DDX21: variants seen among roughly 807,000 people sequenced by gnomAD.
The protein encoded by DDX21 is nucleolar RNA helicase 2.
In DDX21, 18 loss-of-function variants were observed where a neutral mutation model predicts 90.0. That is an observed-to-expected ratio of 0.20 (90% CI 0.14 to 0.30). The LOEUF (loss-of-function observed/expected upper bound fraction) is 0.30, where lower values mean the gene tolerates loss of function less well. Ranked by LOEUF, DDX21 falls within the 10% of genes least tolerant of loss-of-function variation. The pLI is 1.00. For synonymous variants in DDX21, 294 were observed against 318.0 expected, an observed-to-expected ratio of 0.92 and a Z score of 0.80; for missense variants, 673 against 944.5, an observed-to-expected ratio of 0.71 and a Z score of 3.77.
At chr10:68,966,815 T>C (rs1842945045) in intron 5 of DDX21, among the ~76,000 whole-genome samples, 1 of 152,154 alleles carries the variant, frequency 6.6e-6, no homozygotes, top group Admixed American at 6.5e-5. Context: ...GCTTTAAATT[T>C]TGTTGATATT....
In DDX21 at chr10:68,963,438, T is replaced by C. The variant is rs1232779372; in HGVS notation, c.755T>C (p.Leu252Pro). The C allele has an allele frequency of 6.2e-7, 1 of 1,613,722 alleles. No homozygotes were observed. The highest frequency in any genetic ancestry group is 1.1e-5 in the South Asian group (1 of 91,026). ...TTGATTGAGAAACTTCATGGGGAAC[T>C]GCAAGACAGGAAGAGAGGCCGTGCC... Reference protein sequence around the residue: ...IPLIEKLHGELQDRKRGRAPQ... With the variant: ...IPLIEKLHGEPQDRKRGRAPQ... The change falls in exon 4 of 15, where the codon CTG becomes CCG. Residue 252 changes from leucine to proline, a missense_variant. By Grantham distance (98) the Leu-to-Pro change is moderately conservative (BLOSUM62 -3). This residue lies in a region of DDX21 where 218 missense variants were observed against 347.3 expected (regional missense o/e 0.63). Coordinates refer to ENST00000354185, the MANE Select transcript of DDX21 (RefSeq NM_004728.4).
chr10:68,983,698 TAAAAAAAAAA>T lies in DDX21; in HGVS notation c.*898_*907del, dbSNP rs3086423. The T allele has an allele frequency of 7.2e-5, 8 of 111,268 alleles. No homozygotes were observed. Among genetic ancestry groups the T allele is most frequent in the Non-Finnish European group, 1.3e-4 (7 of 54,620 alleles). 6.9% of individuals were successfully genotyped at this position (111,268 alleles called of 1,614,324 possible). A position where few individuals can be genotyped will look rare whatever the true frequency, so the allele number is the denominator to read the frequency against. The stretch of plus-strand genomic sequence containing the variant: ...CAGATTAGCATTGCTCAAGAGTATG[TAAAAAAAAAA>T]AAAAAAAAAAAGAACCAAACCACTG... On this transcript the variant is annotated 3_prime_UTR_variant, in exon 15 of 15. Coordinates refer to ENST00000354185, the MANE Select transcript of DDX21 (RefSeq NM_004728.4).
chr10:68,981,789 C>G (rs1002276936), intron 14 of DDX21, among the ~76,000 whole-genome samples: 2 of 152,004 alleles, frequency 1.3e-5, no homozygotes. Flanking sequence ...TTCCTTTATA[C>G]AAAGTTGTGA....
At chr10:68,963,508 G>T (rs778717132) in intron 4 of DDX21, 39 bp downstream of exon 4, 2 of 1,558,514 alleles carry the variant, frequency 1.3e-6, no homozygotes, top group East Asian at 4.5e-5. Flanking sequence ...GTCAGCATAG[G>T]AAAAACCACC....
chr10:68,958,788 T>G (rs563116131), intron 1 of DDX21, among the ~76,000 whole-genome samples: 1 of 152,234 alleles, frequency 6.6e-6, no homozygotes, highest in South Asian at 2.1e-4. Flanking sequence ...TTGTCCATGC[T>G]TGCCTGGAAC....
Position 68,984,914 on chromosome 10 carries a change from A to G in DDX21, c.*2102A>G, listed in dbSNP as rs1772583281. 6.6e-6 allele frequency: 1 copy of G among 152,068 alleles called. No homozygotes were observed. Among genetic ancestry groups the G allele is most frequent in the South Asian group, 2.1e-4 (1 of 4,832 alleles). The allele number at this position is 152,068 out of a possible 1,614,324, so 9.4% of individuals were successfully genotyped here. On this transcript the variant is annotated 3_prime_UTR_variant, in exon 15 of 15. Coordinates refer to ENST00000354185, the MANE Select transcript of DDX21 (RefSeq NM_004728.4). ...TTGGGTTAGCTTGGTAAATGTTATA[A>G]TTTTTACTATTTTCTACAAAGAAAA...
intron 1 of DDX21, 115 bp downstream of exon 1, chr10:68,956,427 A>C: frequency 6.6e-7 from 1 of 1,525,692 alleles, no homozygotes; most frequent in Non-Finnish European, 8.8e-7. Flanking sequence ...CAGCGCGTCC[A>C]GACACCGGGC....
intron 3 of DDX21, among the ~76,000 whole-genome samples, chr10:68,962,950 A>G (rs1842891549): frequency 6.6e-6 from 1 of 152,172 alleles, no homozygotes; most frequent in Non-Finnish European, 1.5e-5. Context: ...TTTTCAGTCA[A>G]GCAGATTCTT....
At chr10:68,962,260 C>A in intron 3 of DDX21, 103 bp downstream of exon 3, 2 of 806,086 alleles carry the variant, frequency 2.5e-6, no homozygotes, top group Non-Finnish European at 4.0e-6. Flanking sequence ...TTATTGTAGG[C>A]TGATATATGC....
intron 6 of DDX21, among the ~76,000 whole-genome samples, chr10:68,968,433 A>C (rs1346484755): frequency 6.6e-6 from 1 of 152,222 alleles, no homozygotes; most frequent in East Asian, 1.9e-4. Flanking sequence ...AATTACAGGC[A>C]TGAGCCACTG....
chr10:68,956,693 C>T, intron 1 of DDX21: 1 of 1,056,808 alleles, frequency 9.5e-7, no homozygotes, highest in Non-Finnish European at 1.2e-6. Flanking sequence ...ACGTTGTTGG[C>T]TAAGACAGAA....
At chr10:68,968,214 GGC>G (rs1842967812) in intron 6 of DDX21, among the ~76,000 whole-genome samples, 1 of 151,668 alleles carries the variant, frequency 6.6e-6, no homozygotes, top group Non-Finnish European at 1.5e-5. Context: ...CTGTCACTCA[GGC>G]TATAGTACAG....
chr10:68,970,368 T>G lies in DDX21; in HGVS notation c.1386+18T>G, dbSNP rs1212051478. ...TAAAGCAGGTTGGTCCTTCCCCTTATGCCAGCAAAACTGGGGATATCAACA... is the reference window on the plus strand; with the variant it reads ...TAAAGCAGGTTGGTCCTTCCCCTTAGGCCAGCAAAACTGGGGATATCAACA... On this transcript the variant is annotated intron_variant, in intron 8 of 14. Coordinates refer to ENST00000354185, the MANE Select transcript of DDX21 (RefSeq NM_004728.4). The G allele has an allele frequency of 6.2e-7, 1 of 1,608,036 alleles. No individual in the cohort carries two copies. Among genetic ancestry groups the G allele is most frequent in the Non-Finnish European group, 8.5e-7 (1 of 1,177,516 alleles).
intron 4 of DDX21, among the ~76,000 whole-genome samples, chr10:68,964,288 A>G (rs1279085067): frequency 6.6e-6 from 1 of 152,096 alleles, no homozygotes; most frequent in African/African-American, 2.4e-5. Context: ...GGGTTCTTGC[A>G]GTTGTCTTTC....
chr10:68,960,663 A>G (rs1589282540), intron 2 of DDX21, among the ~76,000 whole-genome samples: 1 of 151,606 alleles, frequency 6.6e-6, no homozygotes, highest in South Asian at 2.1e-4. Flanking sequence ...GGCTTTCACC[A>G]TGTTGGCCAG....
chr10:68,977,313 A>C (rs552422589), intron 11 of DDX21, among the ~76,000 whole-genome samples: 16 of 152,330 alleles, frequency 1.1e-4, no homozygotes, highest in African/African-American at 2.6e-4. Flanking sequence ...TTATTTCCTT[A>C]GGATAAAATG....
intron 4 of DDX21, chr10:68,964,156 T>C: frequency 2.6e-6 from 1 of 389,484 alleles, no homozygotes; most frequent in South Asian, 1.9e-5. Flanking sequence ...AAGTCAGAGG[T>C]GAAAACGCCA....
At chr10:68,974,876 C>A in intron 11 of DDX21, 133 bp downstream of exon 11, 1 of 627,042 alleles carries the variant, frequency 1.6e-6, no homozygotes, top group Non-Finnish European at 2.7e-6. Flanking sequence ...CTATGTTGCC[C>A]AGGCTGGTCT....
At chr10:68,957,559 C>T (rs938279269) in intron 1 of DDX21, among the ~76,000 whole-genome samples, 4 of 152,164 alleles carry the variant, frequency 2.6e-5, no homozygotes, top group Admixed American at 1.3e-4. Context: ...CAGATTTGTA[C>T]TCAGGTGCAA....
Sources: allele counts gnomAD v4.1 joint callset (sites outside exome capture counted in the v4.1 genomes callset), GRCh38; gene constraint gnomAD v4.1.1; regional missense constraint gnomAD v4.1.1; transcripts MANE v1.5; gene names NCBI Gene and HGNC (gene_info 2026-07-23, HGNC 2026-07-21).